Variants in LAMA5 observed in about 807,000 individuals in gnomAD.
LAMA5 encodes the protein laminin subunit alpha-5.
LAMA5 carries 260 observed loss-of-function variants against 433.4 expected under a neutral mutation model. The ratio of observed to expected loss-of-function variants is 0.60; its 90% CI spans 0.54 to 0.66. LAMA5 has a LOEUF of 0.66. LAMA5 is among the 30% of genes least tolerant of loss of function. LAMA5 has a pLI of 0.00. For synonymous variants in LAMA5, 2,620 were observed against 2,226.6 expected (o/e 1.18, Z -4.97); for missense variants, 5,378 against 5,258.5 (o/e 1.02, Z -0.70).
At chr20:62,338,439 T>G (rs2151512) in intron 12 of LAMA5, 29 bp downstream of exon 12, 1 of 1,606,198 alleles carries the variant, frequency 6.2e-7, no homozygotes, top group Non-Finnish European at 8.5e-7. Flanking sequence ...CGAGCGCAGG[T>G]AGAGGTTGAG....
At chr20:62,319,289 C>G (rs1987394292) in intron 51 of LAMA5, among the ~76,000 whole-genome samples, 1 of 152,166 alleles carries the variant, frequency 6.6e-6, no homozygotes, top group Non-Finnish European at 1.5e-5. Flanking sequence ...CTGGCCCACC[C>G]TGCTCCCTGG....
At chr20:62,361,979 T>C (rs1391510129) in intron 2 of LAMA5, among the ~76,000 whole-genome samples, 1 of 150,534 alleles carries the variant, frequency 6.6e-6, no homozygotes, top group Non-Finnish European at 1.5e-5. Flanking sequence ...ATCCCAGGAA[T>C]GTCCACTTGC....
rs1568888306 is a variant in LAMA5, at chr20:62,310,679, T to A, written c.10432A>T (p.Ser3478Cys). 6.2e-7 allele frequency: 1 copy of A among 1,603,304 alleles called. No individual in the cohort carries two copies. Residue 3478 changes from serine to cysteine, a missense_variant, in exon 75 of 80, where the codon AGC becomes TGC. Transcript: ENST00000252999. ...ATGGTTCTCACCGGAAGTTTGGAGC[T>A]GTGGCTGCTGGCCGGGAGGCCGCCC... ...FVGGLPASSH[S>C]SKLPVTVGFS...
intron 50 of LAMA5, 64 bp from the exon 51 acceptor site, chr20:62,319,859 G>T (rs1987483029): frequency 1.5e-6 from 2 of 1,344,880 alleles, no homozygotes; most frequent in Non-Finnish European, 2.1e-6. Flanking sequence ...GCAAGGGAGG[G>T]CCTGGGGTCT....
chr20:62,360,015 G>A (rs1985793177), intron 2 of LAMA5, among the ~76,000 whole-genome samples: 1 of 149,488 alleles, frequency 6.7e-6, no homozygotes, highest in Admixed American at 6.6e-5. Context: ...GGGAGTGCCC[G>A]GACCCACCCG....
Position 62,332,399 on chromosome 20 carries a change from G to C in LAMA5, c.3525C>G (p.Leu1175=), listed in dbSNP as rs754385412. The C allele has an allele frequency of 6.2e-7, 1 of 1,612,680 alleles. No homozygotes were observed. The highest frequency in any genetic ancestry group is 1.7e-5 in the Admixed American group (1 of 60,018). The change falls in exon 28 of 80, where the codon CTC becomes CTG. Residue 1175 remains leucine (L), a synonymous_variant. Coordinates refer to ENST00000252999, the MANE Select transcript of LAMA5 (RefSeq NM_005560.6). ...GGAAGAAGCGTGCCTGTTCGGCTGT[G>C]AGCCTCACGCTGGCCTCCGAGTCCA... ...FHLDSEASVR[L]TAEQARFFLH... is the part of the protein sequence containing the mutation.
Position 62,314,840 on chromosome 20 carries a change from C to A in LAMA5, c.8155G>T (p.Val2719Leu), listed in dbSNP as rs547534421. Residue 2719 changes from valine to leucine, a missense_variant, in exon 60 of 80, where the codon GTG (valine) becomes TTG (leucine). Physicochemically the swap from Val to Leu is conservative, Grantham distance 32. Transcript: ENST00000252999. The stretch of plus-strand genomic sequence containing the variant: ...CGGGCCTGGGCAATGAGCTCTCGCA[C>A]GCGGCCAATGCTGGCGGACAGGGCC... The part of the protein sequence containing the change: ...SLALSASIGR[V>L]RELIAQARGA... 3 of 1,612,834 alleles carry A rather than the reference C, an allele frequency of 1.9e-6. No homozygotes were observed. In the Admixed American group the frequency reaches 5.0e-5, roughly 27 times the overall value.
Position 62,312,205 on chromosome 20 carries a change from C to T in LAMA5, c.9472G>A (p.Asp3158Asn), listed in dbSNP as rs1043146172. The change falls in exon 69 of 80, where the codon GAC becomes AAC. Residue 3158 changes from aspartate to asparagine, a missense_variant. Asp to Asn is a conservative substitution (Grantham distance 23). Transcript: ENST00000252999. ...YSGFGFHSAQ[D>N]SALLYYRASP... ...GCCCGGTAGTAGAGCAGGGCACTGT[C>T]CTGGGCGCTGTGGAAGCCGAAGCCG... 6.2e-7 allele frequency: 1 copy of T among 1,610,566 alleles called. No homozygotes were observed. Among genetic ancestry groups the T allele is most frequent in the African/African-American group, 1.3e-5 (1 of 74,922 alleles).
chr20:62,324,525 G>A lies in LAMA5; in HGVS notation c.5559C>T (p.Val1853=). 1.9e-6 allele frequency: 3 copies of A among 1,612,396 alleles called. No homozygotes were observed. Among genetic ancestry groups the A allele is most frequent in the African/African-American group, 1.3e-5 (1 of 75,054 alleles). Residue 1853 remains valine (V), a synonymous_variant, in exon 42 of 80, where the codon GTC becomes GTT. Coordinates refer to ENST00000252999, the MANE Select transcript of LAMA5 (RefSeq NM_005560.6). This position sits in a 1 kb window ranked among gnomAD's most constrained non-coding sequence, Gnocchi z 4.4. ...CACATCGGCCCAGGAAGAGACCTTT[G>A]ACGTCCCGATAGAAGCCGGGGGCAC... ...QECAPGFYRD[V]KGLFLGRCVP... is the part of the protein sequence containing the mutation.
chr20:62,352,359 G>A lies in LAMA5; in HGVS notation c.570C>T (p.Ser190=). 1 of 1,597,132 alleles carries A rather than the reference G, an allele frequency of 6.3e-7. No homozygotes were observed. Among genetic ancestry groups the A allele is most frequent in the Non-Finnish European group, 8.5e-7 (1 of 1,178,528 alleles). Residue 190 remains serine, a splice_region_variant and synonymous_variant, in exon 4 of 80, where the codon TCC becomes TCT. Coordinates refer to ENST00000252999, the MANE Select transcript of LAMA5 (RefSeq NM_005560.6). The stretch of plus-strand genomic sequence containing the variant: ...ACCGCTCCAGACAGTCCCTCTTGGA[G>A]GCTGCGGGGAATGGCGGGAGGGGAG... ...RTYQPWQFFA[S]SKRDCLERFG...
At chr20:62,312,845 C>T (rs773251098) in intron 66 of LAMA5, 43 bp downstream of exon 66, 1 of 1,601,676 alleles carries the variant, frequency 6.2e-7, no homozygotes, top group African/African-American at 1.3e-5. Context: ...CCCCATCGTT[C>T]CATCTCCTCT....
intron 1 of LAMA5, among the ~76,000 whole-genome samples, chr20:62,363,519 G>C (rs1986388294): frequency 1.3e-5 from 2 of 152,166 alleles, no homozygotes; most frequent in Admixed American, 6.5e-5. Flanking sequence ...ATCCTGGCAG[G>C]GGAGGGGTAG....
intron 1 of LAMA5, among the ~76,000 whole-genome samples, chr20:62,366,491 G>C (rs954955997): frequency 6.6e-6 from 1 of 152,208 alleles, no homozygotes; most frequent in African/African-American, 2.4e-5. Flanking sequence ...ACTCCTCCGA[G>C]AGGGGCTAGT....
At position 62,316,957 on chromosome 20, in the gene LAMA5, G is replaced by C. The variant is rs377153424; in HGVS notation, c.7578C>G (p.Ser2526Arg). The C allele has an allele frequency of 1.2e-4, 186 of 1,569,532 alleles. No homozygotes were observed. The highest frequency in any genetic ancestry group is 1.4e-4 in the Non-Finnish European group (165 of 1,153,894). ...CAGCCTGCACGGCCTGCAGGATGCG[G>C]CTGTAGGCGTTGGAGGCCTCGATGG... ...QRAIEASNAY[S>R]RILQAVQAAE... is the part of the protein sequence containing the mutation. Residue 2526 changes from serine (S) to arginine (R), a missense_variant, in exon 56 of 80, where the codon AGC (serine) becomes AGG (arginine). Physicochemically the swap from Ser to Arg is moderately radical, Grantham distance 110. Transcript: ENST00000252999.
chr20:62,350,786 G>A (rs914950249), intron 6 of LAMA5, among the ~76,000 whole-genome samples: 5 of 152,208 alleles, frequency 3.3e-5, no homozygotes, highest in Non-Finnish European at 7.3e-5. Context: ...ACTGGTTTGC[G>A]TGTTTCCCAG....
At chr20:62,327,840 C>T in intron 36 of LAMA5, 26 bp downstream of exon 36, 1 of 1,591,840 alleles carries the variant, frequency 6.3e-7, no homozygotes. Flanking sequence ...AGGGAGAGGC[C>T]AGATCTGGGC....
rs774713245 is a variant in LAMA5, at chr20:62,310,511, G to T, written c.10508C>A (p.Ala3503Asp). ...RLRLHGRPLGAPTRMAGVTPC... is the reference protein window; with the variant it reads ...RLRLHGRPLGDPTRMAGVTPC... ...TGTGACCCCTGCCATCCGTGTGGGG[G>T]CCCCCAGGGGCCTCCCGTGCAGCCT... Residue 3503 changes from alanine to aspartate, a missense_variant, in exon 76 of 80, where the codon GCC becomes GAC. Physicochemically the swap from Ala to Asp is moderately radical, Grantham distance 126. Coordinates refer to ENST00000252999, the MANE Select transcript of LAMA5 (RefSeq NM_005560.6). The T allele has an allele frequency of 1.3e-6, 2 of 1,555,058 alleles. No homozygotes were observed. The highest frequency in any genetic ancestry group is 2.0e-5 in the Admixed American group (1 of 48,882).
chr20:62,331,224 G>C, intron 28 of LAMA5, 95 bp from the exon 29 acceptor site: 1 of 195,926 alleles, frequency 5.1e-6, no homozygotes, highest in Non-Finnish European at 9.5e-6. Flanking sequence ...GGTACGATGG[G>C]GGGGTGCAGG....
In LAMA5 at chr20:62,309,141, G is replaced by T; in HGVS notation, c.*195C>A. 1.6e-6 allele frequency: 1 copy of T among 633,078 alleles called. No homozygotes were observed. The highest frequency in any genetic ancestry group is 2.6e-6 in the Non-Finnish European group (1 of 387,172). 39.2% of individuals were successfully genotyped at this position (633,078 alleles called of 1,614,324 possible). A position where few individuals can be genotyped will look rare whatever the true frequency, so the allele number is the denominator to read the frequency against. The stretch of plus-strand genomic sequence containing the variant: ...GACAAATCTCTCACAATTAAAAATG[G>T]GTGGAAGGGCCAAATATAAAAACAT... On this transcript the variant is annotated 3_prime_UTR_variant, in exon 80 of 80. Transcript: ENST00000252999.
Sources: gnomAD v4.1 joint callset for allele counts (sites outside exome capture counted in the v4.1 genomes callset) on GRCh38, gnomAD v4.1.1 for gene constraint, Gnocchi (gnomAD v3.1) non-coding constraint, MANE v1.5 for transcripts, NCBI Gene and HGNC (gene_info 2026-07-23, HGNC 2026-07-21) for gene names.